RHOA: variants seen among roughly 807,000 people sequenced by gnomAD.
RHOA encodes the protein ras homolog family member A, also known as transforming protein RhoA.
A neutral mutation model predicts 17.5 loss-of-function variants in RHOA; 3 were observed. The ratio of observed to expected loss-of-function variants is 0.17; its 90% CI spans 0.08 to 0.44. RHOA has a LOEUF of 0.44. RHOA is among the 20% of genes least tolerant of loss of function. The probability of loss-of-function intolerance (pLI) is 0.99; values close to 1 mark genes in which losing one functional copy is unlikely to be tolerated. For missense variants in RHOA, 56 were observed against 242.3 expected (o/e 0.23, Z 5.10); for synonymous variants, 98 against 88.4 (o/e 1.11, Z -0.61).
At chr3:49,396,391 T>C (rs567442077) in intron 1 of RHOA, among the ~76,000 whole-genome samples, 8 of 152,060 alleles carry the variant, frequency 5.3e-5, no homozygotes, top group African/African-American at 1.9e-4. Flanking sequence ...CTGGCCAACA[T>C]GGTGAGACCC....
At chr3:49,409,045 C>T (rs199831624) in intron 1 of RHOA, among the ~76,000 whole-genome samples, 1 of 151,688 alleles carries the variant, frequency 6.6e-6, no homozygotes, top group African/African-American at 2.4e-5. Flanking sequence ...GCCTCGGCCT[C>T]CCAAAGTGCT....
At chr3:49,403,771 G>T (rs1045518094) in intron 1 of RHOA, among the ~76,000 whole-genome samples, 1 of 152,016 alleles carries the variant, frequency 6.6e-6, no homozygotes, top group African/African-American at 2.4e-5. Flanking sequence ...TTTAAAGTAT[G>T]TGCATTTTAT....
chr3:49,378,498 C>T lies in RHOA; in HGVS notation c.-2-2907G>A, dbSNP rs572375623. On this transcript the variant is annotated intron_variant, in intron 1 of 4. Coordinates refer to ENST00000418115, the MANE Select transcript of RHOA (RefSeq NM_001664.4). ...CTGAGCTCAAGTGATCTACTCGCCT[C>T]GGCCTCCCACAGTGCTGAGGGATTA... Among the ~76,000 whole-genome samples, 14 of 152,200 alleles carry T rather than the reference C, an allele frequency of 9.2e-5. No individual in the cohort carries two copies. In the South Asian group the frequency reaches 1.9e-3, roughly 20 times the overall value.
chr3:49,374,564 A>G (rs2048194489), intron 2 of RHOA, among the ~76,000 whole-genome samples: 1 of 151,662 alleles, frequency 6.6e-6, no homozygotes, highest in Non-Finnish European at 1.5e-5. Context: ...ACAAAATACA[A>G]GTATTAGCCA....
At chr3:49,404,433 A>ACACACACACACAC (rs1553636256) in intron 1 of RHOA, among the ~76,000 whole-genome samples, 77 of 90,690 alleles carry the variant, frequency 8.5e-4, no homozygotes, top group South Asian at 5.4e-3. Context: ...TCTCTAGTAA[A>ACACACACACACAC]ACACACACAC....
At chr3:49,388,047 C>T (rs930721449) in intron 1 of RHOA, among the ~76,000 whole-genome samples, 1 of 151,698 alleles carries the variant, frequency 6.6e-6, no homozygotes, top group Non-Finnish European at 1.5e-5. Flanking sequence ...CACTCTGTTG[C>T]CCAGGCTGGA....
chr3:49,383,714 T>G (rs766965654), intron 1 of RHOA, among the ~76,000 whole-genome samples: 1 of 152,086 alleles, frequency 6.6e-6, no homozygotes, highest in African/African-American at 2.4e-5. Context: ...CCTTTGCTTA[T>G]AGGGAGGGAA....
At chr3:49,393,925 C>T (rs1458233756) in intron 1 of RHOA, among the ~76,000 whole-genome samples, 2 of 150,316 alleles carry the variant, frequency 1.3e-5, no homozygotes, top group Non-Finnish European at 3.0e-5. Context: ...GGCTGGAGTG[C>T]TGTGGCATGA....
chr3:49,408,288 G>A (rs1323856006), intron 1 of RHOA, among the ~76,000 whole-genome samples: 1 of 133,934 alleles, frequency 7.5e-6, no homozygotes, highest in Non-Finnish European at 1.6e-5. Context: ...GTATACACAA[G>A]TATATATACA....
chr3:49,395,721 A>T (rs937977787), intron 1 of RHOA, among the ~76,000 whole-genome samples: 2 of 152,018 alleles, frequency 1.3e-5, no homozygotes, highest in Non-Finnish European at 2.9e-5. Context: ...TCCAAAAAAA[A>T]AGAAGAGGAA....
At chr3:49,410,435 T>C (rs1182748874) in intron 1 of RHOA, among the ~76,000 whole-genome samples, 1 of 152,148 alleles carries the variant, frequency 6.6e-6, no homozygotes, top group African/African-American at 2.4e-5. Flanking sequence ...AGAGGATAAA[T>C]CTAGCACTAG....
intron 1 of RHOA, among the ~76,000 whole-genome samples, chr3:49,378,422 T>C (rs994263891): frequency 6.6e-6 from 1 of 151,774 alleles, no homozygotes; most frequent in Admixed American, 6.6e-5. Context: ...AATTTTTGTA[T>C]TTTTGGCAGA....
rs559782852 is a variant in RHOA at position 49,399,920 on chromosome 3, C to T, written c.-3+11900G>A. ...GCAAAAATCCATCTTGGAATCTGAA[C>T]TCAAGAAACTACAGAAACGGCTGGG... On this transcript the variant is annotated intron_variant, in intron 1 of 4. Transcript: ENST00000418115. Among the ~76,000 whole-genome samples the T allele has an allele frequency of 5.5e-4, 83 of 152,088 alleles. 1 individual carries two copies. The highest frequency in any genetic ancestry group is 1.5e-3 in the African/African-American group (62 of 41,480).
At chr3:49,402,349 A>ATAT (rs2048739511) in intron 1 of RHOA, among the ~76,000 whole-genome samples, 1 of 152,130 alleles carries the variant, frequency 6.6e-6, no homozygotes, top group Non-Finnish European at 1.5e-5. Context: ...TGCTTATTGT[A>ATAT]AACCTTATTG....
rs2048212553 is a variant in RHOA at position 49,375,562 on chromosome 3, T to C, written c.28A>G (p.Ile10Val). 1 of 1,613,578 alleles carries C rather than the reference T, an allele frequency of 6.2e-7. No individual in the cohort carries two copies. Among genetic ancestry groups the C allele is most frequent in the South Asian group, 1.1e-5 (1 of 90,980 alleles). Residue 10 changes from isoleucine (I) to valine (V), a missense_variant, in exon 2 of 5, where the codon ATT becomes GTT. Ile to Val is a conservative substitution (Grantham distance 29). Around this residue, in one of 2 missense-constraint regions of RHOA, gnomAD observed 17 missense variants for 156.3 expected, o/e 0.11. Coordinates refer to ENST00000418115, the MANE Select transcript of RHOA (RefSeq NM_001664.4). MAAIRKKLV[I>V]VGDGACGKTC... The stretch of plus-strand genomic sequence containing the variant: ...TTTCCACAGGCTCCATCACCAACAA[T>C]CACCAGTTTCTTCCGGATGGCAGCC...
intron 2 of RHOA, 152 bp from the exon 3 acceptor site, chr3:49,368,700 CTTTT>C (rs2048098371): frequency 6.1e-6 from 3 of 491,590 alleles, no homozygotes; most frequent in East Asian, 4.0e-5. Context: ...TACATTTTTT[CTTTT>C]TTCTTTTTTT....
chr3:49,365,625 C>G (rs1430389923), intron 3 of RHOA, among the ~76,000 whole-genome samples: 3 of 141,274 alleles, frequency 2.1e-5, no homozygotes, highest in Non-Finnish European at 3.0e-5. Flanking sequence ...GAGTCTCACT[C>G]TGTCACCTAG....
At chr3:49,373,095 G>T (rs1016346472) in intron 2 of RHOA, 1 of 156,932 alleles carries the variant, frequency 6.4e-6, no homozygotes, top group Admixed American at 6.5e-5. Context: ...TGTAATCCCA[G>T]CACTTTGGGA....
At chr3:49,380,526 G>A (rs1447404755) in intron 1 of RHOA, among the ~76,000 whole-genome samples, 2 of 151,854 alleles carry the variant, frequency 1.3e-5, no homozygotes, top group Non-Finnish European at 2.9e-5. Context: ...GCCAACATAT[G>A]AAACCCCATC....
Sources: allele counts gnomAD v4.1 joint callset (sites outside exome capture counted in the v4.1 genomes callset), GRCh38; gene constraint gnomAD v4.1.1; regional missense constraint gnomAD v4.1.1; transcripts MANE v1.5; gene names NCBI Gene and HGNC (gene_info 2026-07-23, HGNC 2026-07-21).